Variants in ARL15 observed in about 807,000 individuals in gnomAD.
ARL15 encodes the protein ARF like GTPase 15, also known as ADP-ribosylation factor-like protein 15.
A neutral mutation model predicts 25.2 loss-of-function variants in ARL15; 19 were observed. That is an observed-to-expected ratio of 0.75 (90% CI 0.53 to 1.10). ARL15 has a LOEUF of 1.10. Among genes scored for constraint, ARL15 ranks in the 50% least tolerant of loss-of-function variants. The probability of loss-of-function intolerance (pLI) is 0.00; values close to 1 mark genes in which losing one functional copy is unlikely to be tolerated. For synonymous variants in ARL15, 94 were observed against 86.8 expected, an observed-to-expected ratio of 1.08 and a Z score of -0.46; for missense variants, 220 against 246.0, an observed-to-expected ratio of 0.89 and a Z score of 0.71.
intron 2 of ARL15, among the ~76,000 whole-genome samples, chr5:54,164,163 A>G (rs1278267978): frequency 3.3e-5 from 5 of 151,658 alleles, no homozygotes; most frequent in Admixed American, 6.6e-5. Flanking sequence ...TGAGTTTGTA[A>G]ATACTTGAGA....
intron 1 of ARL15, among the ~76,000 whole-genome samples, chr5:54,291,974 C>G (rs1758347823): frequency 6.6e-6 from 1 of 152,198 alleles, no homozygotes; most frequent in African/African-American, 2.4e-5. Flanking sequence ...CTATGAGCAG[C>G]TATACCACTG....
chr5:54,092,637 G>A (rs373268481), intron 4 of ARL15, among the ~76,000 whole-genome samples: 24 of 152,228 alleles, frequency 1.6e-4, no homozygotes, highest in East Asian at 7.7e-4. Flanking sequence ...TCCTTAAAGC[G>A]TTTAGATCCA....
intron 4 of ARL15, among the ~76,000 whole-genome samples, chr5:53,986,261 C>A (rs1188905368): frequency 6.6e-6 from 1 of 152,030 alleles, no homozygotes; most frequent in Non-Finnish European, 1.5e-5. Context: ...TGGTTTCAGG[C>A]AAGATTTTAG....
At chr5:53,933,642 C>CCAA (rs1746265233) in intron 4 of ARL15, among the ~76,000 whole-genome samples, 1 of 76,002 alleles carries the variant, frequency 1.3e-5, no homozygotes, top group Non-Finnish European at 2.3e-5. Context: ...GAGACTGTCT[C>CCAA]AAAAAAAAAA....
chr5:54,135,350 A>AT (rs1395112319), intron 3 of ARL15, among the ~76,000 whole-genome samples: 1 of 152,230 alleles, frequency 6.6e-6, no homozygotes, highest in Non-Finnish European at 1.5e-5. Context: ...TTCTAGGCAC[A>AT]TATTTTACAA....
At chr5:53,989,343 A>C (rs1290681345) in intron 4 of ARL15, among the ~76,000 whole-genome samples, 1 of 152,234 alleles carries the variant, frequency 6.6e-6, no homozygotes, top group East Asian at 1.9e-4. Context: ...CCAAATTTAA[A>C]GTCTAGTTAT....
rs182802658 is a variant in ARL15, at chr5:53,903,789, T to C, written c.463-17076A>G. Among the ~76,000 whole-genome samples, 131 of 152,284 alleles carry C rather than the reference T, an allele frequency of 8.6e-4. 1 individual carries two copies. The Middle Eastern group carries it at 0.014, about 16-fold the overall frequency. ...AACAGATCTTGGGGGGCCAAGTCAG[T>C]ACACCAAATTGGGCTGAAACAAGTG... is the stretch of plus-strand genomic sequence containing the variant. On this transcript the variant is annotated intron_variant, in intron 4 of 4. Transcript: ENST00000504924.
intron 4 of ARL15, among the ~76,000 whole-genome samples, chr5:53,961,453 G>C (rs1268456199): frequency 8.0e-6 from 1 of 124,812 alleles, no homozygotes; most frequent in Non-Finnish European, 1.6e-5. Context: ...AGCCAAGGTA[G>C]TACTATCGCA....
chr5:54,023,301 T>C (rs201262140), intron 4 of ARL15, among the ~76,000 whole-genome samples: 1 of 151,630 alleles, frequency 6.6e-6, no homozygotes, highest in African/African-American at 2.4e-5. Flanking sequence ...ACAGACACAT[T>C]TAAAAATATT....
intron 1 of ARL15, among the ~76,000 whole-genome samples, chr5:54,231,171 T>C (rs1017697637): frequency 4.6e-5 from 7 of 152,160 alleles, no homozygotes; most frequent in Non-Finnish European, 5.9e-5. Flanking sequence ...CACCCTTGGC[T>C]CCTCTCAACT....
chr5:54,106,372 G>A (rs969836969), intron 4 of ARL15, among the ~76,000 whole-genome samples: 2 of 152,086 alleles, frequency 1.3e-5, no homozygotes, highest in Non-Finnish European at 2.9e-5. Flanking sequence ...TGGTATGAAG[G>A]CAGTAAGAAA....
At position 53,885,051 on chromosome 5, in the gene ARL15, C is replaced by T. The variant is rs1744474991; in HGVS notation, c.*1510G>A. ...ACAATCTACTCATAAGATTAAACCA[C>T]AAAAACTACATTTAAATGGCATTAA... On this transcript the variant is annotated 3_prime_UTR_variant, in exon 5 of 5. Coordinates refer to ENST00000504924, the MANE Select transcript of ARL15 (RefSeq NM_019087.3). 2 of 152,292 alleles carry T rather than the reference C, an allele frequency of 1.3e-5. No homozygotes were observed. The highest frequency in any genetic ancestry group is 4.1e-4 in the South Asian group (2 of 4,822). 9.4% of individuals were successfully genotyped at this position (152,292 alleles called of 1,614,324 possible).
intron 4 of ARL15, among the ~76,000 whole-genome samples, chr5:54,058,617 C>T (rs1750963036): frequency 6.6e-6 from 1 of 152,138 alleles, no homozygotes; most frequent in Admixed American, 6.5e-5. Context: ...GAGGGAAAAG[C>T]ACAAAAGCTC....
chr5:53,913,420 C>T (rs1248137104), intron 4 of ARL15, among the ~76,000 whole-genome samples: 1 of 152,130 alleles, frequency 6.6e-6, no homozygotes, highest in African/African-American at 2.4e-5. Flanking sequence ...ACTCTTTGCC[C>T]AAGACATTTC....
chr5:54,306,829 G>A (rs1758769778), intron 1 of ARL15, among the ~76,000 whole-genome samples: 1 of 151,984 alleles, frequency 6.6e-6, no homozygotes, highest in African/African-American at 2.4e-5. Flanking sequence ...TGGCGCAGAG[G>A]GAAAAAAGGT....
At chr5:54,119,903 C>A (rs556016774) in intron 3 of ARL15, among the ~76,000 whole-genome samples, 2 of 152,160 alleles carry the variant, frequency 1.3e-5, no homozygotes, top group Non-Finnish European at 1.5e-5. Flanking sequence ...TTCTAAAAAT[C>A]TTCTGGTCTG....
chr5:53,886,854 G>A lies in ARL15; in HGVS notation c.463-141C>T, dbSNP rs923552303. 5 of 744,086 alleles carry A rather than the reference G, an allele frequency of 6.7e-6. No homozygotes were observed. The South Asian group carries it at 9.1e-5, about 14-fold the overall frequency. The allele number at this position is 744,086 out of a possible 1,614,324, so 46.1% of individuals were successfully genotyped here. ...ATGCCTACAACTTTGCAATGTGGAT[G>A]CCTGTCCGCAGCTGTTGTTATAATG... is the stretch of plus-strand genomic sequence containing the variant. On this transcript the variant is annotated intron_variant, in intron 4 of 4. Transcript: ENST00000504924.
At position 53,943,819 on chromosome 5, in the gene ARL15, G is replaced by A. The variant is rs147779381; in HGVS notation, c.463-57106C>T. Among the ~76,000 whole-genome samples the A allele has an allele frequency of 4.9e-3, 747 of 152,294 alleles. 5 individuals are homozygous for A. Among genetic ancestry groups the A allele is most frequent in the African/African-American group, 0.017 (716 of 41,566 alleles). Reference sequence around the variant, plus strand: ...ACAGACAGCCATGGGAAGAAGAGGTGTCAAACCAGCGCTCAAAAGCTTCTA... The same window carrying A: ...ACAGACAGCCATGGGAAGAAGAGGTATCAAACCAGCGCTCAAAAGCTTCTA... On this transcript the variant is annotated intron_variant, in intron 4 of 4. Transcript: ENST00000504924.
chr5:53,929,751 G>A (rs143960787), intron 4 of ARL15, among the ~76,000 whole-genome samples: 6 of 152,312 alleles, frequency 3.9e-5, no homozygotes, highest in South Asian at 2.1e-4. Context: ...CATCAGAGGC[G>A]GATGCACCTG....
Sources: allele counts gnomAD v4.1 joint callset (sites outside exome capture counted in the v4.1 genomes callset), GRCh38; gene constraint gnomAD v4.1.1; transcripts MANE v1.5; gene names NCBI Gene and HGNC (gene_info 2026-07-23, HGNC 2026-07-21).